The following C11orf65 variants were observed in gnomAD, a reference collection of about 807,000 sequenced individuals.
The protein encoded by C11orf65 is protein MFI.
In C11orf65, 38 loss-of-function variants were observed where a neutral mutation model predicts 35.3. The observed-to-expected ratio is 1.08, with a 90% CI of 0.83 to 1.41. The LOEUF (loss-of-function observed/expected upper bound fraction) is 1.41. Among genes scored for constraint, C11orf65 ranks in the 40% most tolerant of loss-of-function variants. The pLI is 0.00. For synonymous variants in C11orf65, 105 were observed against 114.4 expected, an observed-to-expected ratio of 0.92 and a Z score of 0.53; for missense variants, 370 against 367.1, an observed-to-expected ratio of 1.01 and a Z score of -0.06.
chr11:108,464,090 C>A (rs1462935221), intron 1 of C11orf65, among the ~76,000 whole-genome samples: 1 of 151,460 alleles, frequency 6.6e-6, no homozygotes, highest in African/African-American at 2.4e-5. Flanking sequence ...CCACGCCTGG[C>A]TAATTTTTGT....
chr11:108,400,415 T>G (rs4357655), intron 6 of C11orf65, among the ~76,000 whole-genome samples: 8,715 of 152,162 alleles, frequency 0.057, 811 homozygotes, highest in African/African-American at 0.2. Flanking sequence ...GGTAAGGTCA[T>G]CAATGTAATG....
chr11:108,330,435 A>C, downstream of C11orf65: 1 of 1,613,340 alleles, frequency 6.2e-7, no homozygotes, highest in Admixed American at 1.7e-5. Flanking sequence ...AGTGTTACTC[A>C]GCCCAATATT....
intron 2 of C11orf65, among the ~76,000 whole-genome samples, chr11:108,442,807 C>CAACA (rs1195561979): frequency 6.6e-6 from 1 of 152,172 alleles, no homozygotes; most frequent in African/African-American, 2.4e-5. Flanking sequence ...GCCTCCCTTA[C>CAACA]AACAGCTCCT....
In C11orf65 at chr11:108,461,958, T is replaced by C. The variant is rs528857935; in HGVS notation, c.-9-390A>G. Among the ~76,000 whole-genome samples the C allele has an allele frequency of 3.3e-5, 5 of 152,208 alleles. No individual in the cohort carries two copies. The East Asian group carries it at 9.6e-4, about 29-fold the overall frequency. On this transcript the variant is annotated intron_variant, in intron 1 of 8. Coordinates refer to ENST00000393084, the MANE Select transcript of C11orf65 (RefSeq NM_152587.5). ...ATATGCTCTATTATAAAACTACCAC[T>C]AGAACTCAATGAAAATTAAATAGAG...
At chr11:108,468,077 C>G (rs573549112), upstream of C11orf65, among the ~76,000 whole-genome samples, 276 of 152,244 alleles carry the variant, frequency 1.8e-3, 2 homozygotes, top group African/African-American at 6.4e-3. Context: ...AGCGATCCCC[C>G]CCTACCCCAT....
At chr11:108,391,721 C>A (rs2092165601) in intron 7 of C11orf65, among the ~76,000 whole-genome samples, 1 of 151,352 alleles carries the variant, frequency 6.6e-6, no homozygotes, top group Non-Finnish European at 1.5e-5. Flanking sequence ...AGAAAGAGAC[C>A]CTGCACCCCA....
chr11:108,346,017 G>T, intron 2 of C11orf65: 1 of 1,314,048 alleles, frequency 7.6e-7, no homozygotes. Context: ...GGATGATAGT[G>T]ATGATGTGGT....
At position 108,410,967 on chromosome 11, in the gene C11orf65, C is replaced by T. The variant is rs547905130; in HGVS notation, c.175-3818G>A. 2.2e-4 allele frequency among the ~76,000 whole-genome samples: 33 copies of T among 152,236 alleles called. No individual in the cohort carries two copies. In the East Asian group the frequency reaches 6.4e-3, roughly 29 times the overall value. Reference sequence around the variant, plus strand: ...CTCATGATCCCCCTGCCTTGGCCTCCCAAACTGCTGGTATTACAGGCATGA... The same window carrying T: ...CTCATGATCCCCCTGCCTTGGCCTCTCAAACTGCTGGTATTACAGGCATGA... On this transcript the variant is annotated intron_variant, in intron 3 of 8. Transcript: ENST00000393084.
At chr11:108,444,273 G>A (rs2093213151) in intron 2 of C11orf65, among the ~76,000 whole-genome samples, 1 of 152,032 alleles carries the variant, frequency 6.6e-6, no homozygotes, top group Non-Finnish European at 1.5e-5. Context: ...AAACCATGAA[G>A]ATGAATCCCT....
At chr11:108,335,349 TA>T in intron 2 of C11orf65, 1 of 1,258,972 alleles carries the variant, frequency 7.9e-7, no homozygotes, top group Non-Finnish European at 1.1e-6. Flanking sequence ...CATTAACATG[TA>T]CAGACATGTA....
In C11orf65 at chr11:108,317,939, A is replaced by T. The variant is rs192998158; in HGVS notation, c.641-8868T>A. ...ATAGTTTGTTGGACTGAGGCATGCC[A>T]AGAAAAGTATAGGCATTCCTCTTTC... On this transcript the variant is annotated intron_variant, in intron 6 of 6. Coordinates refer to the C11orf65 transcript ENST00000525729. 3.3e-5 allele frequency among the ~76,000 whole-genome samples: 5 copies of T among 152,244 alleles called. No homozygotes were observed. In the East Asian group the frequency reaches 7.7e-4, roughly 24 times the overall value.
intron 6 of C11orf65, among the ~76,000 whole-genome samples, chr11:108,402,565 T>C (rs2138585169): frequency 6.6e-6 from 1 of 152,284 alleles, no homozygotes; most frequent in East Asian, 1.9e-4. Flanking sequence ...TTTAATTTTT[T>C]TTTTTTTTAC....
chr11:108,325,183 T>C, intron 6 of C11orf65: 1 of 661,266 alleles, frequency 1.5e-6, no homozygotes, highest in Non-Finnish European at 2.5e-6. Flanking sequence ...CAAGTTCTAG[T>C]CTTGTCACTA....
chr11:108,392,518 T>TG (rs1202911484), intron 7 of C11orf65, among the ~76,000 whole-genome samples: 1 of 152,182 alleles, frequency 6.6e-6, no homozygotes, highest in African/African-American at 2.4e-5. Flanking sequence ...TTCTCTTGGG[T>TG]ATATATCTAG....
At chr11:108,354,193 AAAGC>A (rs1333147890) in intron 2 of C11orf65, among the ~76,000 whole-genome samples, 3 of 152,104 alleles carry the variant, frequency 2.0e-5, no homozygotes, top group African/African-American at 7.2e-5. Flanking sequence ...ACCCTGGGTA[AAAGC>A]AATAATAGTT....
At chr11:108,341,500 C>T (rs1327415694) in intron 2 of C11orf65, among the ~76,000 whole-genome samples, 1 of 152,078 alleles carries the variant, frequency 6.6e-6, no homozygotes, top group Non-Finnish European at 1.5e-5. Context: ...TGCCCTAGCC[C>T]TGTGTGTAAC....
Position 108,393,218 on chromosome 11 carries a change from TCA to T in C11orf65, c.719_720del (p.Leu240GlnfsTer3), listed in dbSNP as rs750598534. The T allele has an allele frequency of 3.7e-6, 6 of 1,613,792 alleles. No homozygotes were observed. Among genetic ancestry groups the T allele is most frequent in the Non-Finnish European group, 5.1e-6 (6 of 1,179,820 alleles). ...GCAACATGTACTTACTCATCAAAGT[TCA>T]GTGTATTTGTCCAGTTCAGCACTTC... ...VDEVLNWTNT[L>X]NFDEYIASWK... On this transcript the variant is annotated frameshift_variant, in exon 7 of 9. Coordinates refer to ENST00000393084, the MANE Select transcript of C11orf65 (RefSeq NM_152587.5). LOFTEE classifies it high-confidence loss of function.
intron 2 of C11orf65, among the ~76,000 whole-genome samples, chr11:108,449,047 G>C (rs1190690828): frequency 6.6e-6 from 1 of 152,088 alleles, no homozygotes. Context: ...GCTTCAAAGA[G>C]AATAAAATAC....
chr11:108,374,592 A>G (rs2091668692), intron 2 of C11orf65, among the ~76,000 whole-genome samples: 1 of 152,252 alleles, frequency 6.6e-6, no homozygotes, highest in African/African-American at 2.4e-5. Flanking sequence ...CTCCTCCTCC[A>G]AAGGAACGCA....
Sources: allele counts gnomAD v4.1 joint callset (sites outside exome capture counted in the v4.1 genomes callset), GRCh38; gene constraint gnomAD v4.1.1; transcripts MANE v1.5; gene names NCBI Gene and HGNC (gene_info 2026-07-23, HGNC 2026-07-21).